The following STK25 variants were observed in gnomAD, a reference collection of about 807,000 sequenced individuals.
The protein encoded by STK25 is serine/threonine-protein kinase 25.
A neutral mutation model predicts 53.8 loss-of-function variants in STK25; 29 were observed. The ratio of observed to expected loss-of-function variants is 0.54; its 90% CI spans 0.40 to 0.74. STK25 has a LOEUF of 0.74. Among genes scored for constraint, STK25 ranks in the 30% least tolerant of loss-of-function variants. The pLI is 0.00. For missense variants in STK25, 420 were observed against 568.0 expected (o/e 0.74, Z 2.65); for synonymous variants, 247 against 238.3 (o/e 1.04, Z -0.33).
In STK25 at chr2:241,496,494, G is replaced by C. The variant is rs200296448; in HGVS notation, c.1145C>G (p.Ala382Gly). ...GAAGGCGTTCTCCAGCTCCTCCAGCGCACCCACGCTCCCGCCGCTCTGCTT... is the reference window on the plus strand; with the variant it reads ...GAAGGCGTTCTCCAGCTCCTCCAGCCCACCCACGCTCCCGCCGCTCTGCTT... ...KHKQSGGSVG[A>G]LEELENAFSL... The change falls in exon 11 of 12, where the codon GCG becomes GGG. Residue 382 changes from alanine to glycine, a missense_variant. Transcript: ENST00000316586. This position sits in a 1 kb window ranked among gnomAD's most constrained non-coding sequence, Gnocchi z 5.8. 5 of 1,613,048 alleles carry C rather than the reference G, an allele frequency of 3.1e-6. No individual in the cohort carries two copies. The highest frequency in any genetic ancestry group is 4.2e-6 in the Non-Finnish European group (5 of 1,179,882).
chr2:241,497,539 G>C (rs954293455), intron 10 of STK25, 77 bp downstream of exon 10: 9 of 1,453,846 alleles, frequency 6.2e-6, no homozygotes, highest in Non-Finnish European at 8.7e-6. Flanking sequence ...AGTGCTGTGA[G>C]GGAGACATCT....
chr2:241,496,584 G>C lies in STK25; in HGVS notation c.1105-50C>G. On this transcript the variant is annotated intron_variant, in intron 10 of 11. Coordinates refer to ENST00000316586, the MANE Select transcript of STK25 (RefSeq NM_001271977.2). This position sits in a 1 kb window ranked among gnomAD's most constrained non-coding sequence, Gnocchi z 5.8. Reference sequence around the variant, plus strand: ...CCCTGGACCCCAGGACAGGCCTTCAGGGAGCCTGCTCCTTTGCTCGGCCAC... The same window carrying C: ...CCCTGGACCCCAGGACAGGCCTTCACGGAGCCTGCTCCTTTGCTCGGCCAC... 1 of 1,587,832 alleles carries C rather than the reference G, an allele frequency of 6.3e-7. No individual in the cohort carries two copies. The highest frequency in any genetic ancestry group is 8.6e-7 in the Non-Finnish European group (1 of 1,162,966).
rs539553205 is a variant in STK25 at position 241,492,993 on chromosome 2, T to A, written c.*2669A>T. ...AGTCATGGCTGGCAGAAGCTCTGGG[T>A]CGTCTTTACCAACTTCTGTTTGTTC... is the stretch of plus-strand genomic sequence containing the variant. On this transcript the variant is annotated 3_prime_UTR_variant, in exon 12 of 12. Transcript: ENST00000316586. The A allele has an allele frequency of 3.7e-6, 6 of 1,612,144 alleles. No individual in the cohort carries two copies. The highest frequency in any genetic ancestry group is 5.1e-6 in the Non-Finnish European group (6 of 1,178,364).
Position 241,495,441 on chromosome 2 carries a change from G to A in STK25, c.*221C>T. On this transcript the variant is annotated 3_prime_UTR_variant, in exon 12 of 12. Transcript: ENST00000316586. ...ACTGCTGGGCCAGGAGAGGGAGGAG[G>A]GCAGTGGGCATAGAGAACAGCGTCC... is the stretch of plus-strand genomic sequence containing the variant. 2 of 567,016 alleles carry A rather than the reference G, an allele frequency of 3.5e-6. No homozygotes were observed. The highest frequency in any genetic ancestry group is 6.3e-6 in the Non-Finnish European group (2 of 315,946). The allele number at this position is 567,016 out of a possible 1,614,324, so 35.1% of individuals were successfully genotyped here. A position where few individuals can be genotyped will look rare whatever the true frequency, so the allele number is the denominator to read the frequency against.
At chr2:241,503,497 G>C (rs187856468) in intron 2 of STK25, among the ~76,000 whole-genome samples, 5,210 of 151,250 alleles carry the variant, frequency 0.034, 298 homozygotes, top group African/African-American at 0.12. Flanking sequence ...CAGATCACGA[G>C]GTCAGGAGAT....
intron 2 of STK25, among the ~76,000 whole-genome samples, chr2:241,507,674 G>A (rs931593774): frequency 6.6e-6 from 1 of 152,244 alleles, no homozygotes; most frequent in African/African-American, 2.4e-5. Context: ...TTCGGATGCT[G>A]ACATGAGGTT....
rs35393467 is a variant in STK25 at position 241,495,627 on chromosome 2, C to T, written c.*35G>A. 64,230 of 1,612,976 alleles carry T rather than the reference C, an allele frequency of 0.04. 1,532 individuals are homozygous for T. The highest frequency in any genetic ancestry group is 0.048 in the Non-Finnish European group (56,519 of 1,178,892). ...TTATGGAGCTCAGAACAAAAACAAA[C>T]GACCTTCCGTCCCCTATCTGAACAG... On this transcript the variant is annotated 3_prime_UTR_variant, in exon 12 of 12. Transcript: ENST00000316586.
chr2:241,508,849 C>A (rs2066015609), upstream of STK25, among the ~76,000 whole-genome samples: 1 of 152,142 alleles, frequency 6.6e-6, no homozygotes. Context: ...TGTCGCGTCG[C>A]GCCCTCCCTG....
Position 241,493,540 on chromosome 2 carries a change from C to G in STK25, c.*2122G>C. The G allele has an allele frequency of 8.5e-7, 1 of 1,172,794 alleles. No homozygotes were observed. The highest frequency in any genetic ancestry group is 1.3e-6 in the Non-Finnish European group (1 of 795,176). The allele number at this position is 1,172,794 out of a possible 1,614,324, so 72.6% of individuals were successfully genotyped here. On this transcript the variant is annotated 3_prime_UTR_variant, in exon 12 of 12. Transcript: ENST00000316586. ...GGTGGTGGAGGCAAGTTTTCTGGGC[C>G]CTGGAAAGGAAGGGCTGAGCAATGC...
chr2:241,503,947 T>C, intron 2 of STK25: 2 of 460,260 alleles, frequency 4.3e-6, no homozygotes, highest in South Asian at 1.6e-5. Flanking sequence ...CGCACCAGCC[T>C]GAGGCGACAC....
upstream of STK25, chr2:241,508,665 C>T (rs1036005694): frequency 4.1e-6 from 4 of 985,908 alleles, no homozygotes; most frequent in African/African-American, 1.7e-5. Flanking sequence ...CCGCCCACTC[C>T]GGGCCCGGAA....
chr2:241,502,536 G>A (rs552547978), intron 2 of STK25, among the ~76,000 whole-genome samples: 22 of 152,160 alleles, frequency 1.4e-4, no homozygotes, highest in South Asian at 1.0e-3. Flanking sequence ...TCAGGAGTTC[G>A]CAACCAGCCT....
In STK25 at chr2:241,498,827, G is replaced by C; in HGVS notation, c.772-43C>G. 3 of 1,612,214 alleles carry C rather than the reference G, an allele frequency of 1.9e-6. No homozygotes were observed. The South Asian group carries it at 3.3e-5, about 18-fold the overall frequency. ...AACACTAGTCACTGGGCCCAGCCAA[G>C]CTCTGCCTAAGGGAAGCAAACGTGA... On this transcript the variant is annotated intron_variant, in intron 7 of 11. Transcript: ENST00000316586.
Position 241,494,181 on chromosome 2 carries a change from G to T in STK25, c.*1481C>A. ...ACAAAGAACAGCAGGACACAGAGGTGACCTCTGTCCTGAGGCTTCTCAACA... is the reference window on the plus strand; with the variant it reads ...ACAAAGAACAGCAGGACACAGAGGTTACCTCTGTCCTGAGGCTTCTCAACA... On this transcript the variant is annotated 3_prime_UTR_variant, in exon 12 of 12. Coordinates refer to ENST00000316586, the MANE Select transcript of STK25 (RefSeq NM_001271977.2). The surrounding 1 kb of genome is among the most constrained non-coding windows in gnomAD (Gnocchi z 4.9). 8.9e-7 allele frequency: 1 copy of T among 1,121,420 alleles called. No homozygotes were observed. The highest frequency in any genetic ancestry group is 1.9e-5 in the South Asian group (1 of 52,716). 69.5% of individuals were successfully genotyped at this position (1,121,420 alleles called of 1,614,324 possible).
At chr2:241,498,926 C>T (rs2065342656) in intron 7 of STK25, 63 bp downstream of exon 7, 2 of 1,611,162 alleles carry the variant, frequency 1.2e-6, no homozygotes, top group Non-Finnish European at 1.7e-6. Flanking sequence ...TGCCGCCCAC[C>T]CCAAGCGAAC....
chr2:241,500,341 T>C, intron 4 of STK25, 60 bp from the exon 5 acceptor site: 2 of 1,175,362 alleles, frequency 1.7e-6, no homozygotes, highest in Non-Finnish European at 1.3e-6. Context: ...ATGCCTGAGT[T>C]CTCTGCCTCT....
rs1016698582 is a variant in STK25 at position 241,508,199 on chromosome 2, G to C, written c.-100-64C>G. The C allele has an allele frequency of 2.1e-5, 29 of 1,354,398 alleles. No homozygotes were observed. The East Asian group carries it at 3.1e-4, about 14-fold the overall frequency. 83.9% of individuals were successfully genotyped at this position (1,354,398 alleles called of 1,614,324 possible). ...TCATCTGAGACCGACCTCCGGGGCG[G>C]CGGGCTCCATGGGTGGGGGGGGGCC... is the stretch of plus-strand genomic sequence containing the variant. On this transcript the variant is annotated intron_variant, in intron 1 of 11. Transcript: ENST00000316586.
At position 241,493,747 on chromosome 2, in the gene STK25, C is replaced by T; in HGVS notation, c.*1915G>A. ...GTAACTGAGATTACAGGCATGCACG[C>T]CACGCCGCCTGGCTAATTTTTGTAT... On this transcript the variant is annotated 3_prime_UTR_variant, in exon 12 of 12. Coordinates refer to ENST00000316586, the MANE Select transcript of STK25 (RefSeq NM_001271977.2). 1 of 475,552 alleles carries T rather than the reference C, an allele frequency of 2.1e-6. No individual in the cohort carries two copies. The highest frequency in any genetic ancestry group is 3.7e-6 in the Non-Finnish European group (1 of 268,356). The allele number at this position is 475,552 out of a possible 1,614,324, so 29.5% of individuals were successfully genotyped here.
Position 241,498,287 on chromosome 2 carries a change from G to A in STK25, c.980C>T (p.Pro327Leu), listed in dbSNP as rs761820180. 3.7e-6 allele frequency: 6 copies of A among 1,606,828 alleles called. No individual in the cohort carries two copies. Among genetic ancestry groups the A allele is most frequent in the Admixed American group, 1.7e-5 (1 of 59,698 alleles). ...PIWTFPPTIR[P>L]SPHSKLHKGT... ...CTTGTGAAGCTTGCTGTGTGGACTC[G>A]GCCGGATGGTAGGGGGGAACGTCCA... The change falls in exon 9 of 12, where the codon CCG (proline) becomes CTG (leucine). Residue 327 changes from proline (P) to leucine (L), a missense_variant. Coordinates refer to ENST00000316586, the MANE Select transcript of STK25 (RefSeq NM_001271977.2).
Sources: gnomAD v4.1 joint callset for allele counts (sites outside exome capture counted in the v4.1 genomes callset) on GRCh38, gnomAD v4.1.1 for gene constraint, Gnocchi (gnomAD v3.1) non-coding constraint, MANE v1.5 for transcripts, NCBI Gene and HGNC (gene_info 2026-07-23, HGNC 2026-07-21) for gene names.